Variants in NCOA6 observed in about 807,000 individuals in gnomAD.
NCOA6 encodes NRC RAP250.
NCOA6 carries 49 observed loss-of-function variants against 171.4 expected under a neutral mutation model. That is an observed-to-expected ratio of 0.29 (90% confidence interval 0.23 to 0.36). NCOA6 has a LOEUF of 0.36. Ranked by LOEUF, NCOA6 falls within the 10% of genes least tolerant of loss-of-function variation. The pLI, the probability that NCOA6 is intolerant of heterozygous loss-of-function variation, is 1.00. For missense variants in NCOA6, 2,248 were observed against 2,554.5 expected (o/e 0.88, Z 2.59); for synonymous variants, 910 against 927.5 (o/e 0.98, Z 0.34).
intron 14 of NCOA6, among the ~76,000 whole-genome samples, chr20:34,726,657 C>T (rs1384969333): frequency 6.6e-6 from 1 of 152,026 alleles, no homozygotes; most frequent in African/African-American, 2.4e-5. Flanking sequence ...AGGTGGCACG[C>T]ACCTGTAATC....
intron 4 of NCOA6, among the ~76,000 whole-genome samples, chr20:34,769,425 G>A (rs1287722565): frequency 1.3e-5 from 2 of 150,364 alleles, no homozygotes; most frequent in African/African-American, 2.5e-5. Flanking sequence ...GTGCAGTGGT[G>A]TGATCTTGGC....
chr20:34,762,990 T>C lies in NCOA6; in HGVS notation c.515-4057A>G, dbSNP rs141522609. 7.5e-4 allele frequency among the ~76,000 whole-genome samples: 115 copies of C among 152,342 alleles called. 2 individuals are homozygous for C. Among genetic ancestry groups the C allele is most frequent in the African/African-American group, 2.4e-3 (98 of 41,592 alleles). ...CTGTTGAGAAATCAAGAAAAGCTGA[T>C]AGTCTTTCCTTTGTAAATAATACGT... On this transcript the variant is annotated intron_variant, in intron 5 of 14. Coordinates refer to ENST00000359003, the MANE Select transcript of NCOA6 (RefSeq NM_014071.5).
intron 4 of NCOA6, among the ~76,000 whole-genome samples, chr20:34,768,982 T>C (rs1461026947): frequency 1.3e-5 from 2 of 152,042 alleles, no homozygotes; most frequent in South Asian, 2.1e-4. Context: ...TAATTTATGA[T>C]CAGAAGGTAG....
Position 34,749,717 on chromosome 20 carries a change from G to C in NCOA6, c.2478C>G (p.Thr826=). The C allele has an allele frequency of 6.2e-7, 1 of 1,614,216 alleles. No homozygotes were observed. The highest frequency in any genetic ancestry group is 8.5e-7 in the Non-Finnish European group (1 of 1,180,036). ...CCTGCACATGAGGGGGGACCATGTT[G>C]GTTTGTTGAATGCTAACATCAGGCA... The part of the protein sequence containing the change: ...QMMPDVSIQQ[T]NMVPPHVQAM... The change falls in exon 9 of 15, where the codon ACC becomes ACG. Residue 826 remains threonine, a synonymous_variant. Coordinates refer to ENST00000359003, the MANE Select transcript of NCOA6 (RefSeq NM_014071.5).
chr20:34,735,961 CA>C (rs1473369574), intron 12 of NCOA6, among the ~76,000 whole-genome samples: 2 of 151,562 alleles, frequency 1.3e-5, no homozygotes, highest in Non-Finnish European at 2.9e-5. Flanking sequence ...TTTAACTCCT[CA>C]ATGATCTACA....
intron 4 of NCOA6, among the ~76,000 whole-genome samples, chr20:34,770,694 G>A (rs892965290): frequency 1.3e-5 from 2 of 151,032 alleles, no homozygotes; most frequent in African/African-American, 4.9e-5. Context: ...GCAATGGCGC[G>A]ATCTCGGATC....
intron 13 of NCOA6, 137 bp from the exon 14 acceptor site, chr20:34,727,544 C>T (rs1990114149): frequency 2.2e-6 from 2 of 903,210 alleles, no homozygotes; most frequent in Admixed American, 2.7e-5. Flanking sequence ...GCAGTTCAAC[C>T]TGGGGTAATA....
intron 1 of NCOA6, among the ~76,000 whole-genome samples, chr20:34,812,861 T>A (rs1337501012): frequency 6.6e-6 from 1 of 151,726 alleles, no homozygotes; most frequent in Non-Finnish European, 1.5e-5. Context: ...ACAAAAAAAA[T>A]TTAAAAATTA....
In NCOA6 at chr20:34,742,671, G is replaced by A. The variant is rs2076181135; in HGVS notation, c.3585C>T (p.His1195=). 1 of 1,614,202 alleles carries A rather than the reference G, an allele frequency of 6.2e-7. No individual in the cohort carries two copies. ...TTGGCGCAGCCACATTTGGGAAGTG[G>A]TGGCCGTGAGAGCTGGGCAGGGAAT... ...PVNSLPSSHG[H]HFPNVAAPTQ... Residue 1195 remains histidine (H), a synonymous_variant, in exon 11 of 15, where the codon CAC becomes CAT. Transcript: ENST00000359003.
intron 9 of NCOA6, 46 bp downstream of exon 9, chr20:34,749,357 C>G: frequency 6.5e-7 from 1 of 1,540,336 alleles, no homozygotes; most frequent in African/African-American, 1.4e-5. Flanking sequence ...GTTATCCACA[C>G]AGAAAACAAA....
At chr20:34,745,503 T>C (rs746201562) in intron 10 of NCOA6, among the ~76,000 whole-genome samples, 1 of 152,236 alleles carries the variant, frequency 6.6e-6, no homozygotes, top group Non-Finnish European at 1.5e-5. Flanking sequence ...ACGGGAAGTG[T>C]GATATGCCCA....
chr20:34,771,908 TC>T (rs2077162971), intron 4 of NCOA6, among the ~76,000 whole-genome samples: 1 of 152,246 alleles, frequency 6.6e-6, no homozygotes, highest in Non-Finnish European at 1.5e-5. Flanking sequence ...ATGTAATCAT[TC>T]ACTCACTCGT....
intron 6 of NCOA6, 110 bp from the exon 7 acceptor site, chr20:34,758,214 G>A (rs1352427091): frequency 2.6e-5 from 36 of 1,376,330 alleles, no homozygotes; most frequent in Non-Finnish European, 3.4e-5. Context: ...GGTACTATTC[G>A]ATAAAATAAA....
At chr20:34,800,297 G>A (rs975590676) in intron 1 of NCOA6, among the ~76,000 whole-genome samples, 5 of 152,054 alleles carry the variant, frequency 3.3e-5, no homozygotes, top group Non-Finnish European at 7.4e-5. Flanking sequence ...AGACAGGAAG[G>A]AAGGGAAGAA....
intron 7 of NCOA6, among the ~76,000 whole-genome samples, chr20:34,756,124 G>A (rs971555880): frequency 6.6e-6 from 1 of 152,172 alleles, no homozygotes; most frequent in African/African-American, 2.4e-5. Flanking sequence ...ACAGTGACAA[G>A]TCCCATTTGC....
chr20:34,740,220 C>T (rs6119516), intron 11 of NCOA6, 143 bp downstream of exon 11: 433,185 of 1,154,184 alleles, frequency 0.38, 83,605 homozygotes, highest in Middle Eastern at 0.44. Context: ...TATTTTCCAA[C>T]GTACTTTCAA....
chr20:34,781,977 A>T, intron 3 of NCOA6, 144 bp downstream of exon 3: 2 of 589,212 alleles, frequency 3.4e-6, no homozygotes, highest in Non-Finnish European at 6.0e-6. Context: ...GTATATTTTT[A>T]AAATCCTAAA....
At chr20:34,818,357 T>A (rs2078906073) in intron 1 of NCOA6, among the ~76,000 whole-genome samples, 2 of 151,998 alleles carry the variant, frequency 1.3e-5, no homozygotes, top group East Asian at 1.9e-4. Context: ...CTGGTTCTAT[T>A]TAAAAACAAA....
At chr20:34,716,274 T>C (rs1988582957) in intron 14 of NCOA6, among the ~76,000 whole-genome samples, 1 of 146,032 alleles carries the variant, frequency 6.8e-6, no homozygotes, top group East Asian at 2.0e-4. Flanking sequence ...CAATTCAGAA[T>C]AAGCAACGGC....
Sources: gnomAD v4.1 joint callset for allele counts (sites outside exome capture counted in the v4.1 genomes callset) on GRCh38, gnomAD v4.1.1 for gene constraint, MANE v1.5 for transcripts, NCBI Gene and HGNC (gene_info 2026-07-23, HGNC 2026-07-21) for gene names.